The following PAF1 variants were observed in gnomAD, a reference collection of about 807,000 sequenced individuals.
The protein encoded by PAF1 is PAF1 component of Paf1/RNA polymerase II complex, also known as RNA polymerase II-associated factor 1 homolog.
A neutral mutation model predicts 68.4 loss-of-function variants in PAF1; 31 were observed. The observed-to-expected ratio is 0.45, with a 90% confidence interval of 0.34 to 0.61. The LOEUF is 0.61. Ranked by LOEUF, PAF1 falls within the 20% of genes least tolerant of loss-of-function variation. The pLI is 0.01. For synonymous variants in PAF1, 256 were observed against 240.5 expected, an observed-to-expected ratio of 1.06 and a Z score of -0.60; for missense variants, 435 against 692.9, an observed-to-expected ratio of 0.63 and a Z score of 4.18.
In PAF1 at chr19:39,388,581, A is replaced by G. The variant is rs369180773; in HGVS notation, c.836T>C (p.Met279Thr). ...KKRKRDQEEE[M>T]DYAPDDVYDY... is the part of the protein sequence containing the mutation. The stretch of plus-strand genomic sequence containing the variant: ...GCACACATCATCTGGTGCATAGTCC[A>G]TCTCCTCCTCCTGGTCCCGCTTTCG... Residue 279 changes from methionine to threonine, a missense_variant, in exon 10 of 14, where the codon ATG (methionine) becomes ACG (threonine). Physicochemically the swap from Met to Thr is moderately conservative, Grantham distance 81. Around this residue, in one of 7 missense-constraint regions of PAF1, gnomAD observed 151 missense variants for 306.3 expected, o/e 0.49. Transcript: ENST00000221265. 1.9e-6 allele frequency: 3 copies of G among 1,613,388 alleles called. No homozygotes were observed. The highest frequency in any genetic ancestry group is 2.5e-6 in the Non-Finnish European group (3 of 1,179,480).
At position 39,386,057 on chromosome 19, in the gene PAF1, C is replaced by A; in HGVS notation, c.1530G>T (p.Ser510=). 6.2e-7 allele frequency: 1 copy of A among 1,613,954 alleles called. No individual in the cohort carries two copies. The highest frequency in any genetic ancestry group is 8.5e-7 in the Non-Finnish European group (1 of 1,180,010). The change falls in exon 14 of 14, where the codon TCG becomes TCT. Residue 510 remains serine (S), a synonymous_variant. Coordinates refer to ENST00000221265, the MANE Select transcript of PAF1 (RefSeq NM_019088.4). This position sits in a 1 kb window ranked among gnomAD's most constrained non-coding sequence, Gnocchi z 6.1. ...CAGCTTCACTGCCATCCTCCTGGGCCGAGTGCTCGCTGCCACTGGGGAAGG... is the reference window on the plus strand; with the variant it reads ...CAGCTTCACTGCCATCCTCCTGGGCAGAGTGCTCGCTGCCACTGGGGAAGG... The part of the protein sequence containing the change: ...ASPFPSGSEH[S]AQEDGSEAAA...
At chr19:39,387,284 A>T (rs1187196724) in intron 11 of PAF1, 3 of 333,774 alleles carry the variant, frequency 9.0e-6, no homozygotes, top group African/African-American at 2.1e-5. Flanking sequence ...TAGAAAAGGT[A>T]TAGTAAAGAT....
At chr19:39,388,527 C>G (rs1183252314) in intron 10 of PAF1, 33 bp downstream of exon 10, 4 of 1,613,358 alleles carry the variant, frequency 2.5e-6, no homozygotes, top group Non-Finnish European at 3.4e-6. Flanking sequence ...CCAAAACTTC[C>G]CAATCCCCAA....
At position 39,386,055 on chromosome 19, in the gene PAF1, G is replaced by A. The variant is rs1600603884; in HGVS notation, c.1532C>T (p.Ala511Val). 1 of 1,613,910 alleles carries A rather than the reference G, an allele frequency of 6.2e-7. No individual in the cohort carries two copies. Among genetic ancestry groups the A allele is most frequent in the Non-Finnish European group, 8.5e-7 (1 of 1,180,018 alleles). Reference protein sequence around the residue: ...SPFPSGSEHSAQEDGSEAAAS... With the variant: ...SPFPSGSEHSVQEDGSEAAAS... ...TGCAGCTTCACTGCCATCCTCCTGG[G>A]CCGAGTGCTCGCTGCCACTGGGGAA... The change falls in exon 14 of 14, where the codon GCC (alanine) becomes GTC (valine). Residue 511 changes from alanine to valine, a missense_variant. Coordinates refer to ENST00000221265, the MANE Select transcript of PAF1 (RefSeq NM_019088.4). The surrounding 1 kb of genome is among the most constrained non-coding windows in gnomAD (Gnocchi z 6.1).
chr19:39,390,163 T>C lies in PAF1; in HGVS notation c.78-2A>G, dbSNP rs1471524254. ...TTGACTCGGCAGACCACTCCAGACC[T>C]AGGAACATTAGTGGCTCAAAAGTGG... On this transcript the variant is annotated splice_acceptor_variant, in intron 2 of 13. Coordinates refer to ENST00000221265, the MANE Select transcript of PAF1 (RefSeq NM_019088.4). LOFTEE classifies it high-confidence loss of function. 6.2e-7 allele frequency: 1 copy of C among 1,613,638 alleles called. No individual in the cohort carries two copies. The highest frequency in any genetic ancestry group is 8.5e-7 in the Non-Finnish European group (1 of 1,179,660).
In PAF1 at chr19:39,390,273, T is replaced by G. The variant is rs774450793; in HGVS notation, c.64A>C (p.Thr22Pro). 1.2e-6 allele frequency: 2 copies of G among 1,612,998 alleles called. No homozygotes were observed. The highest frequency in any genetic ancestry group is 2.2e-5 in the South Asian group (2 of 91,012). Reference protein sequence around the residue: ...EDGHRPNSHRTLPERSGVVCR... With the variant: ...EDGHRPNSHRPLPERSGVVCR... ...AGTGGGGCTCACCTCTCAGGCAGAG[T>G]CCGGTGGGAATTGGGCCTAGTGGAG... The change falls in exon 2 of 14, where the codon ACT (threonine) becomes CCT (proline). Residue 22 changes from threonine (T) to proline (P), a missense_variant. Physicochemically the swap from Thr to Pro is conservative, Grantham distance 38. Transcript: ENST00000221265.
chr19:39,390,261 T>G lies in PAF1; in HGVS notation c.76A>C (p.Arg26=), dbSNP rs775501264. 1 of 1,613,526 alleles carries G rather than the reference T, an allele frequency of 6.2e-7. No individual in the cohort carries two copies. Residue 26 remains arginine, a splice_region_variant and synonymous_variant, in exon 2 of 14, where the codon AGG becomes CGG. Coordinates refer to ENST00000221265, the MANE Select transcript of PAF1 (RefSeq NM_019088.4). ...RPNSHRTLPE[R]SGVVCRVKYC... ...CTGGGAAAGCACAGTGGGGCTCACC[T>G]CTCAGGCAGAGTCCGGTGGGAATTG... is the stretch of plus-strand genomic sequence containing the variant.
chr19:39,390,065 T>C lies in PAF1; in HGVS notation c.170+4A>G. 1.2e-6 allele frequency: 2 copies of C among 1,609,388 alleles called. No individual in the cohort carries two copies. Reference sequence around the variant, plus strand: ...TGAGTAGTTTTCCCATTCCTTAGTCTCACCTGTTCTGGTCGAAGGGGTAGG... The same window carrying C: ...TGAGTAGTTTTCCCATTCCTTAGTCCCACCTGTTCTGGTCGAAGGGGTAGG... On this transcript the variant is annotated splice_donor_region_variant and intron_variant, in intron 3 of 13. Transcript: ENST00000221265.
intron 11 of PAF1, 79 bp downstream of exon 11, chr19:39,388,260 C>T (rs2078296624): frequency 1.4e-6 from 2 of 1,427,386 alleles, no homozygotes; most frequent in South Asian, 1.2e-5. Context: ...GTACAAATGA[C>T]CTCCAAGGTG....
In PAF1 at chr19:39,386,504, T is replaced by G. The variant is rs770761238; in HGVS notation, c.1161A>C (p.Glu387Asp). 1 of 1,614,180 alleles carries G rather than the reference T, an allele frequency of 6.2e-7. No individual in the cohort carries two copies. The highest frequency in any genetic ancestry group is 8.5e-7 in the Non-Finnish European group (1 of 1,180,014). ...EEEEEEEMET[E>D]EKEAGGSDEE... The stretch of plus-strand genomic sequence containing the variant: ...TACCTGAGCCCCCAGCTTCTTTCTC[T>G]TCTGTCTCCATCTCCTCTTCCTCTT... The change falls in exon 13 of 14, where the codon GAA (glutamate) becomes GAC (aspartate). Residue 387 changes from glutamate to aspartate, a missense_variant. Around this residue, in one of 7 missense-constraint regions of PAF1, gnomAD observed 78 missense variants for 80.6 expected, o/e 0.97. Coordinates refer to ENST00000221265, the MANE Select transcript of PAF1 (RefSeq NM_019088.4). This position sits in a 1 kb window ranked among gnomAD's most constrained non-coding sequence, Gnocchi z 6.1.
At chr19:39,390,021 C>T in intron 3 of PAF1, 48 bp downstream of exon 3, 1 of 1,455,772 alleles carries the variant, frequency 6.9e-7, no homozygotes, top group Non-Finnish European at 9.6e-7. Context: ...GCAGTCCCTG[C>T]CTTCAAGGAA....
rs747838517 is a variant in PAF1, at chr19:39,389,483, T to C, written c.356A>G (p.Lys119Arg). 129 of 1,613,890 alleles carry C rather than the reference T, an allele frequency of 8.0e-5. No individual in the cohort carries two copies. Among genetic ancestry groups the C allele is most frequent in the Non-Finnish European group, 1.0e-4 (122 of 1,179,908 alleles). The change falls in exon 5 of 14, where the codon AAG (lysine) becomes AGG (arginine). Residue 119 changes from lysine (K) to arginine (R), a missense_variant. Around this residue, in one of 7 missense-constraint regions of PAF1, gnomAD observed 77 missense variants for 118.2 expected, o/e 0.65. Coordinates refer to ENST00000221265, the MANE Select transcript of PAF1 (RefSeq NM_019088.4). This position sits in a 1 kb window ranked among gnomAD's most constrained non-coding sequence, Gnocchi z 5.3. ...EEEIQAPTSS[K>R]RSQQHAKVVP... ...TACCCATTTGCTACCCACTCACCTC[T>C]TGGAGCTGGTGGGGGCCTGAATCTC...
At position 39,391,011 on chromosome 19, in the gene PAF1, C is replaced by A; in HGVS notation, c.-147G>T. 1.3e-6 allele frequency: 1 copy of A among 775,926 alleles called. No homozygotes were observed. Among genetic ancestry groups the A allele is most frequent in the Non-Finnish European group, 2.0e-6 (1 of 490,052 alleles). 48.1% of individuals were successfully genotyped at this position (775,926 alleles called of 1,614,324 possible). On this transcript the variant is annotated 5_prime_UTR_variant, in exon 1 of 14. Transcript: ENST00000221265. ...GGAAAGTGGGTTGAGATGAGGTGGG[C>A]GGGCGAGAAGAGCTCCAGCGAGACT...
At chr19:39,390,678 A>C in intron 1 of PAF1, 140 bp downstream of exon 1, 1 of 874,106 alleles carries the variant, frequency 1.1e-6, no homozygotes, top group Non-Finnish European at 1.8e-6. Context: ...GAACACCTGA[A>C]TCTCAGAAGG....
At chr19:39,387,348 T>G in intron 11 of PAF1, 1 of 215,124 alleles carries the variant, frequency 4.6e-6, no homozygotes, top group East Asian at 1.1e-4. Flanking sequence ...GACTGAAACA[T>G]GCAGTGCATT....
rs2078261302 is a variant in PAF1 at position 39,386,818 on chromosome 19, GGA to G, written c.987-21_987-20del. The G allele has an allele frequency of 2.6e-6, 4 of 1,559,400 alleles. No homozygotes were observed. The highest frequency in any genetic ancestry group is 3.3e-5 in the Admixed American group (2 of 59,970). On this transcript the variant is annotated intron_variant, in intron 11 of 13. Coordinates refer to ENST00000221265, the MANE Select transcript of PAF1 (RefSeq NM_019088.4). This position sits in a 1 kb window ranked among gnomAD's most constrained non-coding sequence, Gnocchi z 6.1. ...GCGGACCCTGCAGGGGGTGAATTTGGGAGAGAGAAGTGGAAGATGCAGTTAAA... is the reference window on the plus strand; with the variant it reads ...GCGGACCCTGCAGGGGGTGAATTTGGGAGAGAAGTGGAAGATGCAGTTAAA...
At position 39,386,822 on chromosome 19, in the gene PAF1, A is replaced by G. The variant is rs1242925440; in HGVS notation, c.987-23T>C. ...ACCCTGCAGGGGGTGAATTTGGGAG[A>G]GAGAAGTGGAAGATGCAGTTAAAGA... On this transcript the variant is annotated intron_variant, in intron 11 of 13. Transcript: ENST00000221265. The surrounding 1 kb of genome is among the most constrained non-coding windows in gnomAD (Gnocchi z 6.1). 6.5e-7 allele frequency: 1 copy of G among 1,536,950 alleles called. No individual in the cohort carries two copies. Among genetic ancestry groups the G allele is most frequent in the African/African-American group, 1.4e-5 (1 of 73,480 alleles).
At chr19:39,387,281 G>A in intron 11 of PAF1, 1 of 337,978 alleles carries the variant, frequency 3.0e-6, no homozygotes, top group Non-Finnish European at 6.1e-6. Flanking sequence ...ACATAGAAAA[G>A]GTATAGTAAA....
intron 1 of PAF1, 124 bp downstream of exon 1, chr19:39,390,694 G>A (rs2078360918): frequency 2.0e-6 from 2 of 1,024,320 alleles, no homozygotes; most frequent in African/African-American, 1.6e-5. Flanking sequence ...GAAGGAACCC[G>A]CCCCCTTCGT....
Sources: allele counts gnomAD v4.1 joint callset, GRCh38; gene constraint gnomAD v4.1.1; regional missense constraint gnomAD v4.1.1; non-coding constraint Gnocchi (gnomAD v3.1); transcripts MANE v1.5; gene names NCBI Gene and HGNC (gene_info 2026-07-23, HGNC 2026-07-21).